Variants in PPP1R21 observed in about 807,000 individuals in gnomAD.
The protein encoded by PPP1R21 is protein phosphatase 1 regulatory subunit 21.
Under a neutral mutation model 112.8 loss-of-function variants are expected in PPP1R21, and 85 were observed. The observed-to-expected ratio is 0.75, with a 90% CI of 0.63 to 0.90. The LOEUF is 0.90. Ranked by LOEUF, PPP1R21 falls within the 40% of genes least tolerant of loss-of-function variation. The pLI is 0.00. For synonymous variants in PPP1R21, 381 were observed against 322.3 expected, an observed-to-expected ratio of 1.18 and a Z score of -1.95; for missense variants, 1,199 against 901.5, an observed-to-expected ratio of 1.33 and a Z score of -4.23.
rs1334936261 is a variant in PPP1R21, at chr2:48,469,283, GTGTGTGTGTGTGTA to G, written c.898-1800_898-1787del. 4.3e-4 allele frequency among the ~76,000 whole-genome samples: 20 copies of G among 46,804 alleles called. 1 individual carries two copies. Among genetic ancestry groups the G allele is most frequent in the African/African-American group, 1.2e-3 (15 of 13,026 alleles). 30.7% of individuals were successfully genotyped at this position (46,804 alleles called of 152,430 possible). A position where few individuals can be genotyped will look rare whatever the true frequency, so the allele number is the denominator to read the frequency against. ...GAATTGTGTGTGTGTGTGTGTGTGT[GTGTGTGTGTGTGTA>G]TGTATATATATACACACACACACAT... On this transcript the variant is annotated intron_variant, in intron 9 of 21. Coordinates refer to ENST00000294952, the MANE Select transcript of PPP1R21 (RefSeq NM_001135629.3).
At chr2:48,502,676 C>CTTTTTTTTT (rs762811938) in intron 17 of PPP1R21, among the ~76,000 whole-genome samples, 11 of 94,040 alleles carry the variant, frequency 1.2e-4, no homozygotes, top group East Asian at 3.4e-4. Flanking sequence ...AGAAACTTTT[C>CTTTTTTTTT]TTTTTTTTTT....
At chr2:48,483,730 G>A (rs1292120126) in intron 13 of PPP1R21, among the ~76,000 whole-genome samples, 1 of 152,114 alleles carries the variant, frequency 6.6e-6, no homozygotes, top group Non-Finnish European at 1.5e-5. Flanking sequence ...GTGAGGTACC[G>A]CGCCTGGCCA....
Position 48,465,526 on chromosome 2 carries a change from G to C in PPP1R21, c.781G>C (p.Ala261Pro). ...KMRDIAGQAL[A>P]FVQDLVTALL... The stretch of plus-strand genomic sequence containing the variant: ...GCGAGATATTGCTGGGCAGGCCCTG[G>C]CTTTTGTTCAGGATCTTGTGACGGC... The change falls in exon 9 of 22, where the codon GCT becomes CCT. Residue 261 changes from alanine (A) to proline (P), a missense_variant. Transcript: ENST00000294952. The C allele has an allele frequency of 6.2e-7, 1 of 1,613,552 alleles. No homozygotes were observed.
At chr2:48,450,941 A>T (rs780582615) in intron 1 of PPP1R21, 67 bp from the exon 2 acceptor site, 23 of 1,326,794 alleles carry the variant, frequency 1.7e-5, no homozygotes, top group East Asian at 2.3e-5. Flanking sequence ...TGTAAAATTG[A>T]TGTGATTTCC....
intron 15 of PPP1R21, among the ~76,000 whole-genome samples, chr2:48,493,544 C>T (rs1437429185): frequency 1.3e-5 from 2 of 152,182 alleles, no homozygotes; most frequent in East Asian, 3.9e-4. Flanking sequence ...AGCATTTTTA[C>T]AGTCTCAATT....
chr2:48,470,655 C>G (rs533427319), intron 9 of PPP1R21, among the ~76,000 whole-genome samples: 39 of 152,026 alleles, frequency 2.6e-4, no homozygotes, highest in African/African-American at 8.4e-4. Flanking sequence ...GTATATAACA[C>G]AAAAATTTTT....
chr2:48,465,732 T>A, intron 9 of PPP1R21, 90 bp downstream of exon 9: 1 of 1,173,990 alleles, frequency 8.5e-7, no homozygotes, highest in Middle Eastern at 2.1e-4. Context: ...ACCATCCAAG[T>A]ACTGCAAAGG....
chr2:48,469,329 ATAGAG>A, intron 9 of PPP1R21, among the ~76,000 whole-genome samples: 1 of 24,690 alleles, frequency 4.1e-5, no homozygotes, highest in Middle Eastern at 0.016. Context: ...ACATATATAT[ATAGAG>A]CATATATATA....
rs753140073 is a variant in PPP1R21 at position 48,495,639 on chromosome 2, C to G, written c.1600-40C>G. On this transcript the variant is annotated intron_variant, in intron 15 of 21. Transcript: ENST00000294952. ...TGTTGGATGCAGGGGAGGGGTGATA[C>G]AATATTTTTTCTTTAATTCTTATGA... The G allele has an allele frequency of 2.1e-5, 24 of 1,126,162 alleles. No homozygotes were observed. The Middle Eastern group carries it at 7.9e-4, about 37-fold the overall frequency. 69.8% of individuals were successfully genotyped at this position (1,126,162 alleles called of 1,614,324 possible).
At chr2:48,506,239 G>A (rs116313078) in intron 18 of PPP1R21, among the ~76,000 whole-genome samples, 6,294 of 152,202 alleles carry the variant, frequency 0.041, 210 homozygotes, top group African/African-American at 0.09. Context: ...GACTTCAGGC[G>A]CATGTCACCA....
chr2:48,472,486 C>T (rs999657040), intron 11 of PPP1R21, among the ~76,000 whole-genome samples: 1 of 150,584 alleles, frequency 6.6e-6, no homozygotes, highest in Non-Finnish European at 1.5e-5. Flanking sequence ...ATTAGCCGGG[C>T]GTGGTGGTGC....
chr2:48,495,846 A>T (rs778352694), intron 16 of PPP1R21, 75 bp downstream of exon 16: 1 of 829,436 alleles, frequency 1.2e-6, no homozygotes, highest in East Asian at 2.4e-5. Flanking sequence ...TTTTTAAGAT[A>T]CGTAGAATGA....
chr2:48,479,572 C>T (rs929585249), intron 12 of PPP1R21: 8 of 495,084 alleles, frequency 1.6e-5, no homozygotes, highest in Middle Eastern at 3.1e-4. Context: ...AGTGTTTTAG[C>T]GATGTTCAGC....
At chr2:48,466,192 C>T (rs139093861) in intron 9 of PPP1R21, among the ~76,000 whole-genome samples, 51 of 151,998 alleles carry the variant, frequency 3.4e-4, no homozygotes, top group African/African-American at 1.2e-3. Context: ...GACATAGAAC[C>T]AAACCATATC....
chr2:48,457,916 A>G (rs1026845927), intron 3 of PPP1R21: 4 of 496,676 alleles, frequency 8.1e-6, no homozygotes, highest in African/African-American at 7.9e-5. Flanking sequence ...CTCTCTTTTT[A>G]AAGCTTTCCT....
intron 1 of PPP1R21, among the ~76,000 whole-genome samples, chr2:48,443,918 A>G (rs911834106): frequency 6.6e-6 from 1 of 152,216 alleles, no homozygotes; most frequent in Non-Finnish European, 1.5e-5. Flanking sequence ...CCATCAAGAA[A>G]GCAGCAAGCA....
chr2:48,454,521 G>T, intron 2 of PPP1R21, 74 bp from the exon 3 acceptor site: 1 of 1,545,396 alleles, frequency 6.5e-7, no homozygotes, highest in South Asian at 1.2e-5. Flanking sequence ...TGGTGAAATA[G>T]AAATAATTTT....
chr2:48,500,628 T>C (rs1452864382), intron 17 of PPP1R21, among the ~76,000 whole-genome samples: 1 of 152,150 alleles, frequency 6.6e-6, no homozygotes, highest in African/African-American at 2.4e-5. Flanking sequence ...CTTCCTAGTT[T>C]GGGCTGGGTG....
chr2:48,513,627 G>T (rs78058574), intron 21 of PPP1R21, among the ~76,000 whole-genome samples: 14,471 of 152,080 alleles, frequency 0.095, 762 homozygotes, highest in Non-Finnish European at 0.12. Flanking sequence ...TAATCCTGTA[G>T]TTTGCTTTTC....
Sources: gnomAD v4.1 joint callset for allele counts (sites outside exome capture counted in the v4.1 genomes callset) on GRCh38, gnomAD v4.1.1 for gene constraint, MANE v1.5 for transcripts, NCBI Gene and HGNC (gene_info 2026-07-23, HGNC 2026-07-21) for gene names.